Variants in NSF observed in about 807,000 individuals in gnomAD.
NSF encodes the protein N-ethylmaleimide sensitive factor, vesicle fusing ATPase, also known as vesicle-fusing ATPase.
Under a neutral mutation model 50.3 loss-of-function variants are expected in NSF, and 14 were observed. The observed-to-expected ratio is 0.28, with a 90% CI of 0.18 to 0.44. The LOEUF (loss-of-function observed/expected upper bound fraction) is 0.44, where lower values mean the gene tolerates loss of function less well. NSF is among the 20% of genes least tolerant of loss of function. The pLI, the probability that NSF is intolerant of heterozygous loss-of-function variation, is 1.00. For synonymous variants in NSF, 109 were observed against 175.7 expected (o/e 0.62, Z 3.00); for missense variants, 218 against 504.3 (o/e 0.43, Z 5.44).
intron 15 of NSF, among the ~76,000 whole-genome samples, chr17:46,716,214 C>T (rs1481302222): frequency 2.0e-5 from 3 of 150,594 alleles, no homozygotes; most frequent in African/African-American, 7.3e-5. Context: ...AAATGTCATT[C>T]TTTAGTATAA....
At chr17:46,708,064 A>G (rs1440182950) in intron 13 of NSF, among the ~76,000 whole-genome samples, 1 of 151,512 alleles carries the variant, frequency 6.6e-6, no homozygotes, top group African/African-American at 2.4e-5. Flanking sequence ...CATGATATGT[A>G]CATACCACAT....
intron 17 of NSF, among the ~76,000 whole-genome samples, chr17:46,748,817 A>G (rs1371469624): frequency 6.6e-6 from 1 of 152,242 alleles, no homozygotes; most frequent in African/African-American, 2.4e-5. Context: ...TAAACTAAGC[A>G]AAGGGGAAAA....
intron 8 of NSF, among the ~76,000 whole-genome samples, chr17:46,671,801 T>C (rs1271973524): frequency 7.4e-6 from 1 of 134,442 alleles, no homozygotes. Context: ...TTTGAGCATT[T>C]TCTGTGTACA....
intron 1 of NSF, among the ~76,000 whole-genome samples, chr17:46,598,860 TA>T (rs1385148604): frequency 6.8e-6 from 1 of 147,180 alleles, no homozygotes; most frequent in Admixed American, 6.8e-5. Context: ...AAGTGTTTGG[TA>T]GTCCATTTCC....
chr17:46,631,093 C>G (rs2058134810), intron 4 of NSF, among the ~76,000 whole-genome samples: 1 of 146,254 alleles, frequency 6.8e-6, no homozygotes, highest in Non-Finnish European at 1.5e-5. Flanking sequence ...CACACACACA[C>G]ACACACACAC....
intron 12 of NSF, among the ~76,000 whole-genome samples, chr17:46,697,697 C>CTTGT (rs1169640901): frequency 6.8e-6 from 1 of 147,182 alleles, no homozygotes; most frequent in Non-Finnish European, 1.5e-5. Context: ...TTTATTCTTC[C>CTTGT]TTGTTTGTTT....
In NSF at chr17:46,678,555, G is replaced by A. The variant is rs577579865; in HGVS notation, c.945+3942G>A. Among the ~76,000 whole-genome samples the A allele has an allele frequency of 5.1e-3, 757 of 147,598 alleles. 8 individuals are homozygous for A. The highest frequency in any genetic ancestry group is 0.018 in the African/African-American group (700 of 39,812). ...TGCGTGTATTTAAAGTTCCAGAAAG[G>A]CAAGAGAAAGAGGATGAATCAAAAT... On this transcript the variant is annotated intron_variant, in intron 9 of 20. Transcript: ENST00000398238.
At chr17:46,716,224 A>G (rs560188804) in intron 15 of NSF, among the ~76,000 whole-genome samples, 71 of 151,078 alleles carry the variant, frequency 4.7e-4, no homozygotes, top group African/African-American at 1.7e-3. Context: ...CTTTAGTATA[A>G]GTTCTAGTCT....
At chr17:46,692,613 T>TGATC (rs1318226256) in intron 9 of NSF, among the ~76,000 whole-genome samples, 6 of 128,210 alleles carry the variant, frequency 4.7e-5, no homozygotes, top group Non-Finnish European at 9.7e-5. Flanking sequence ...ATAAATTATT[T>TGATC]GATCGACTAC....
chr17:46,751,718 T>C lies in NSF; in HGVS notation c.2157+102T>C, dbSNP rs112056493. 2.7e-3 allele frequency: 1,673 copies of C among 625,930 alleles called. 28 individuals are homozygous for C. In the African/African-American group the frequency reaches 0.027, roughly 10 times the overall value. 38.8% of individuals were successfully genotyped at this position (625,930 alleles called of 1,614,324 possible). A position where few individuals can be genotyped will look rare whatever the true frequency, so the allele number is the denominator to read the frequency against. ...TGCCAAGGTTTTAATTAATTTAAGT[T>C]TTGATTTTCTTATATTATTTCCAAA... is the stretch of plus-strand genomic sequence containing the variant. On this transcript the variant is annotated intron_variant, in intron 19 of 20. Coordinates refer to ENST00000398238, the MANE Select transcript of NSF (RefSeq NM_006178.4).
At chr17:46,754,168 T>TA (rs34592122) in intron 19 of NSF, among the ~76,000 whole-genome samples, 4 of 150,758 alleles carry the variant, frequency 2.7e-5, no homozygotes, top group Non-Finnish European at 4.4e-5. Context: ...TTTTTTTTTT[T>TA]AAGAACTTGA....
In NSF at chr17:46,726,546, C is replaced by T. The variant is rs566262367; in HGVS notation, c.1762-3C>T. The T allele has an allele frequency of 1.2e-6, 2 of 1,613,788 alleles. No individual in the cohort carries two copies. Among genetic ancestry groups the T allele is most frequent in the African/African-American group, 2.7e-5 (2 of 75,004 alleles). On this transcript the variant is annotated splice_region_variant and splice_polypyrimidine_tract_variant and intron_variant, in intron 15 of 20. Coordinates refer to ENST00000398238, the MANE Select transcript of NSF (RefSeq NM_006178.4). ...GATAATAAATGACTTTGTTTTCTTT[C>T]AGATCTTTGATGATGCGTACAAATC...
intron 17 of NSF, among the ~76,000 whole-genome samples, chr17:46,741,755 T>G (rs1421607221): frequency 1.0e-5 from 1 of 96,852 alleles, no homozygotes; most frequent in Non-Finnish European, 2.1e-5. Context: ...ATGTTAATAG[T>G]ACTTGGTTTT....
At chr17:46,712,855 A>T (rs1056663661) in intron 14 of NSF, among the ~76,000 whole-genome samples, 4 of 152,226 alleles carry the variant, frequency 2.6e-5, no homozygotes, top group Non-Finnish European at 5.9e-5. Context: ...TACAGAAGCC[A>T]AGAAAAGAAA....
At chr17:46,755,122 C>G (rs2059219932) in intron 19 of NSF, among the ~76,000 whole-genome samples, 192 bp from the exon 20 acceptor site, 1 of 152,234 alleles carries the variant, frequency 6.6e-6, no homozygotes, top group African/African-American at 2.4e-5. Context: ...CTGGAAAACC[C>G]CATTCACTTC....
At position 46,756,678 on chromosome 17, in the gene NSF, A is replaced by G. The variant is rs147085369; in HGVS notation, c.*855A>G. 1 of 152,782 alleles carries G rather than the reference A, an allele frequency of 6.5e-6. No homozygotes were observed. Among genetic ancestry groups the G allele is most frequent in the East Asian group, 1.9e-4 (1 of 5,192 alleles). 9.5% of individuals were successfully genotyped at this position (152,782 alleles called of 1,614,324 possible). On this transcript the variant is annotated 3_prime_UTR_variant, in exon 21 of 21. Coordinates refer to ENST00000398238, the MANE Select transcript of NSF (RefSeq NM_006178.4). The stretch of plus-strand genomic sequence containing the variant: ...AAGTGGGTCAATTCCTTAGTATAAT[A>G]TTAAGGCTTACTAGTATCACTGCTT...
At chr17:46,605,564 C>T (rs1598637618) in intron 1 of NSF, among the ~76,000 whole-genome samples, 1 of 110,938 alleles carries the variant, frequency 9.0e-6, no homozygotes, top group Non-Finnish European at 1.9e-5. Context: ...TAATATTTTC[C>T]ATATGCTTAG....
Position 46,755,992 on chromosome 17 carries a change from C to G in NSF, c.*169C>G, listed in dbSNP as rs184648759. On this transcript the variant is annotated 3_prime_UTR_variant, in exon 21 of 21. Coordinates refer to ENST00000398238, the MANE Select transcript of NSF (RefSeq NM_006178.4). ...AATAAAACTCCCTTCCTTATGCATA[C>G]TGAGATAGCTTAGTGTCTCGTGGAA... 318 of 620,882 alleles carry G rather than the reference C, an allele frequency of 5.1e-4. 1 individual carries two copies. The highest frequency in any genetic ancestry group is 8.1e-4 in the Non-Finnish European group (295 of 364,222). The allele number at this position is 620,882 out of a possible 1,614,324, so 38.5% of individuals were successfully genotyped here.
chr17:46,752,656 A>G (rs370862689), intron 19 of NSF, among the ~76,000 whole-genome samples: 3 of 152,274 alleles, frequency 2.0e-5, no homozygotes, highest in African/African-American at 4.8e-5. Context: ...TGGTTTCACT[A>G]TGTTGCCCAG....
Sources: allele counts gnomAD v4.1 joint callset (sites outside exome capture counted in the v4.1 genomes callset), GRCh38; gene constraint gnomAD v4.1.1; transcripts MANE v1.5; gene names NCBI Gene and HGNC (gene_info 2026-07-23, HGNC 2026-07-21).